Variants in SUSD1 observed in about 807,000 individuals in gnomAD.
SUSD1 encodes the protein sushi domain containing 1.
In SUSD1, 65 loss-of-function variants were observed where a neutral mutation model predicts 86.9. That is an observed-to-expected ratio of 0.75 (90% CI 0.61 to 0.92). The LOEUF is 0.92. SUSD1 is among the 40% of genes least tolerant of loss of function. The pLI is 0.00. For synonymous variants in SUSD1, 346 were observed against 350.0 expected (o/e 0.99, Z 0.13); for missense variants, 850 against 929.7 (o/e 0.91, Z 1.11).
chr9:112,101,594 C>T (rs1219431287), intron 9 of SUSD1, among the ~76,000 whole-genome samples: 1 of 152,092 alleles, frequency 6.6e-6, no homozygotes, highest in Non-Finnish European at 1.5e-5. Context: ...GCCTGTAATC[C>T]TAGCACTTTG....
intron 6 of SUSD1, among the ~76,000 whole-genome samples, chr9:112,119,687 G>A (rs1033228978): frequency 1.2e-4 from 19 of 152,254 alleles, no homozygotes; most frequent in Admixed American, 2.6e-4. Context: ...GAGGTAAACC[G>A]ACTCATTAAC....
chr9:112,059,621 T>C (rs1481198210), intron 13 of SUSD1, among the ~76,000 whole-genome samples: 1 of 152,208 alleles, frequency 6.6e-6, no homozygotes, highest in African/African-American at 2.4e-5. Flanking sequence ...AACAGTAATA[T>C]GTCATGTATG....
intron 12 of SUSD1, among the ~76,000 whole-genome samples, chr9:112,063,691 C>A (rs926567033): frequency 2.4e-5 from 3 of 126,942 alleles, no homozygotes; most frequent in African/African-American, 1.2e-4. Flanking sequence ...CTGACACCAG[C>A]GTTCTTGCTC....
intron 13 of SUSD1, among the ~76,000 whole-genome samples, chr9:112,059,910 GCA>G (rs1383152432): frequency 6.6e-6 from 1 of 152,118 alleles, no homozygotes; most frequent in Non-Finnish European, 1.5e-5. Flanking sequence ...GCAAATCCTT[GCA>G]CAGTTCTTTG....
At chr9:112,059,361 G>A (rs1034095425) in intron 13 of SUSD1, among the ~76,000 whole-genome samples, 3 of 152,178 alleles carry the variant, frequency 2.0e-5, no homozygotes, top group Admixed American at 6.5e-5. Flanking sequence ...TGATTTTCAC[G>A]TGGGCAAATA....
At chr9:112,150,101 T>G (rs1386503494) in intron 2 of SUSD1, among the ~76,000 whole-genome samples, 2 of 152,176 alleles carry the variant, frequency 1.3e-5, no homozygotes, top group Admixed American at 1.3e-4. Flanking sequence ...GTCAGCAAAC[T>G]TTTTCTCACA....
intron 6 of SUSD1, among the ~76,000 whole-genome samples, chr9:112,118,481 C>T (rs910749515): frequency 2.6e-5 from 4 of 152,022 alleles, no homozygotes; most frequent in African/African-American, 4.8e-5. Context: ...TGGTGGCACG[C>T]GAATACTTTT....
At chr9:112,169,616 C>A (rs990499702) in intron 1 of SUSD1, among the ~76,000 whole-genome samples, 1 of 152,014 alleles carries the variant, frequency 6.6e-6, no homozygotes, top group African/African-American at 2.4e-5. Flanking sequence ...ACTCACTTAA[C>A]CCCTACCGGT....
chr9:112,133,257 C>A (rs930683061), intron 5 of SUSD1, among the ~76,000 whole-genome samples: 1 of 152,158 alleles, frequency 6.6e-6, no homozygotes. Context: ...CCTGGGCAAC[C>A]TCATGTCTGA....
intron 1 of SUSD1, among the ~76,000 whole-genome samples, chr9:112,161,437 T>C (rs552724562): frequency 6.6e-6 from 1 of 151,708 alleles, no homozygotes; most frequent in Non-Finnish European, 1.5e-5. Context: ...ACTTTCTAAA[T>C]AATGGATCCT....
chr9:112,090,643 C>T (rs10981256), intron 10 of SUSD1, among the ~76,000 whole-genome samples: 5,720 of 152,040 alleles, frequency 0.038, 210 homozygotes, highest in East Asian at 0.17. Context: ...CAGAATCTAA[C>T]GCCACATACG....
At chr9:112,124,204 T>C in intron 6 of SUSD1, 53 bp downstream of exon 6, 1 of 1,548,862 alleles carries the variant, frequency 6.5e-7, no homozygotes, top group Non-Finnish European at 8.8e-7. Context: ...GGCCCTCGGC[T>C]CCCACTGGCT....
intron 2 of SUSD1, among the ~76,000 whole-genome samples, chr9:112,152,254 A>C (rs1797319883): frequency 2.6e-5 from 4 of 151,554 alleles, no homozygotes; most frequent in Admixed American, 2.6e-4. Context: ...ACTTTAGCTT[A>C]CTGTAGCTTT....
At chr9:112,146,761 A>G (rs563616169) in intron 3 of SUSD1, among the ~76,000 whole-genome samples, 35 of 152,262 alleles carry the variant, frequency 2.3e-4, no homozygotes, top group African/African-American at 7.0e-4. Context: ...TCAGCCTTCC[A>G]AGTAGCTAGG....
At chr9:112,122,284 C>G (rs1831586504) in intron 6 of SUSD1, among the ~76,000 whole-genome samples, 2 of 152,188 alleles carry the variant, frequency 1.3e-5, no homozygotes, top group African/African-American at 4.8e-5. Flanking sequence ...CATCAGCCAC[C>G]TGAGTACTGG....
At chr9:112,173,952 T>G in intron 1 of SUSD1, 1 of 254,944 alleles carries the variant, frequency 3.9e-6, no homozygotes. Context: ...GTGTGTGGTG[T>G]GGTGCTTGGA....
chr9:112,044,698 A>G (rs1827881998), intron 15 of SUSD1, among the ~76,000 whole-genome samples: 1 of 152,242 alleles, frequency 6.6e-6, no homozygotes, highest in Non-Finnish European at 1.5e-5. Flanking sequence ...ATTGAAACCT[A>G]AAAGGATTAG....
At chr9:112,087,176 T>G (rs577009665) in intron 10 of SUSD1, among the ~76,000 whole-genome samples, 1 of 152,234 alleles carries the variant, frequency 6.6e-6, no homozygotes, top group East Asian at 1.9e-4. Context: ...TTAAAACTTC[T>G]TTTTTTCTTT....
chr9:112,059,295 G>A (rs1366092662), intron 13 of SUSD1, among the ~76,000 whole-genome samples: 2 of 152,256 alleles, frequency 1.3e-5, no homozygotes, highest in African/African-American at 4.8e-5. Flanking sequence ...TTCGCTGGGA[G>A]AAGTTGTTGC....
Sources: gnomAD v4.1 joint callset for allele counts (sites outside exome capture counted in the v4.1 genomes callset) on GRCh38, gnomAD v4.1.1 for gene constraint, MANE v1.5 for transcripts, NCBI Gene and HGNC (gene_info 2026-07-23, HGNC 2026-07-21) for gene names.